Variants in LRMDA observed in about 807,000 individuals in gnomAD.
LRMDA encodes the protein leucine-rich melanocyte differentiation-associated protein.
A neutral mutation model predicts 29.8 loss-of-function variants in LRMDA; 18 were observed. The observed-to-expected ratio is 0.60, with a 90% CI of 0.42 to 0.90. The LOEUF (loss-of-function observed/expected upper bound fraction) is 0.90. LRMDA is among the 40% of genes least tolerant of loss of function. The pLI is 0.00. For synonymous variants in LRMDA, 125 were observed against 109.4 expected (o/e 1.14, Z -0.89); for missense variants, 273 against 273.9 (o/e 1.00, Z 0.02).
chr10:75,780,390 T>C (rs902331070), intron 2 of LRMDA, among the ~76,000 whole-genome samples: 5 of 152,054 alleles, frequency 3.3e-5, no homozygotes, highest in Admixed American at 2.0e-4. Context: ...GGTGAACACA[T>C]GTTCACCCTT....
At chr10:75,916,016 T>A (rs1845925680) in intron 2 of LRMDA, among the ~76,000 whole-genome samples, 1 of 152,150 alleles carries the variant, frequency 6.6e-6, no homozygotes, top group African/African-American at 2.4e-5. Context: ...GTAGGTCTTA[T>A]TGGGCCCATT....
At chr10:75,927,770 T>C (rs2208948) in intron 2 of LRMDA, among the ~76,000 whole-genome samples, 101,572 of 152,056 alleles carry the variant, frequency 0.67, 33,952 homozygotes, top group South Asian at 0.74. Context: ...CTGCCGACAA[T>C]AAAGCCTCAG....
intron 6 of LRMDA, among the ~76,000 whole-genome samples, chr10:76,523,311 G>C (rs986336417): frequency 6.6e-6 from 1 of 152,050 alleles, no homozygotes; most frequent in African/African-American, 2.4e-5. Context: ...TTCCACTGGG[G>C]TGCTTATTCC....
intron 6 of LRMDA, among the ~76,000 whole-genome samples, chr10:76,430,838 C>A (rs1842183043): frequency 1.3e-5 from 2 of 152,162 alleles, no homozygotes; most frequent in Admixed American, 1.3e-4. Flanking sequence ...TGTCCCACAA[C>A]CCCCTCCTCT....
At chr10:75,825,190 G>T (rs779918328) in intron 2 of LRMDA, among the ~76,000 whole-genome samples, 1 of 152,082 alleles carries the variant, frequency 6.6e-6, no homozygotes, top group African/African-American at 2.4e-5. Context: ...GGTAATCAGA[G>T]ACTTTGGTGT....
At chr10:76,053,710 C>A (rs1848566603) in intron 4 of LRMDA, among the ~76,000 whole-genome samples, 1 of 152,202 alleles carries the variant, frequency 6.6e-6, no homozygotes, top group Admixed American at 6.5e-5. Context: ...GACATGGCCA[C>A]TGGCTGGGTT....
At chr10:76,027,206 G>A (rs1848076712) in intron 2 of LRMDA, among the ~76,000 whole-genome samples, 1 of 152,164 alleles carries the variant, frequency 6.6e-6, no homozygotes, top group Admixed American at 6.5e-5. Context: ...CAAAGCTCCA[G>A]GCACAGGCAC....
intron 5 of LRMDA, among the ~76,000 whole-genome samples, chr10:76,219,504 C>G (rs1851790300): frequency 6.6e-6 from 1 of 152,074 alleles, no homozygotes; most frequent in South Asian, 2.1e-4. Context: ...CAACAAAGAT[C>G]AAAAGAGGCA....
intron 2 of LRMDA, among the ~76,000 whole-genome samples, chr10:75,857,326 G>T (rs1439110007): frequency 2.6e-5 from 4 of 152,190 alleles, no homozygotes; most frequent in Admixed American, 2.6e-4. Context: ...AGTTGATGCA[G>T]GCAGTTCAGT....
chr10:75,688,486 C>A lies in LRMDA; in HGVS notation c.131+249992C>A, dbSNP rs117975734. On this transcript the variant is annotated intron_variant, in intron 2 of 6. Coordinates refer to ENST00000611255, the MANE Select transcript of LRMDA (RefSeq NM_001305581.2). ...GAATTGCTGCAATCTTGTGATAAAA[C>A]TTGAATGGAAGAGAAGTTGCTTCTT... Among the ~76,000 whole-genome samples the A allele has an allele frequency of 2.6e-5, 4 of 152,270 alleles. No homozygotes were observed. In the East Asian group the frequency reaches 7.7e-4, roughly 29 times the overall value.
At chr10:76,490,508 A>G (rs530380715) in intron 6 of LRMDA, among the ~76,000 whole-genome samples, 120 of 151,874 alleles carry the variant, frequency 7.9e-4, no homozygotes, top group Non-Finnish European at 1.4e-3. Context: ...CTCTTGCTGA[A>G]TTGACCCTTT....
At chr10:76,427,041 G>A (rs1447171752) in intron 6 of LRMDA, among the ~76,000 whole-genome samples, 2 of 152,216 alleles carry the variant, frequency 1.3e-5, no homozygotes, top group African/African-American at 2.4e-5. Context: ...GTAGCCTGAT[G>A]CCTCCTGCTT....
intron 5 of LRMDA, among the ~76,000 whole-genome samples, chr10:76,063,590 G>A (rs972708096): frequency 4.6e-5 from 7 of 152,108 alleles, no homozygotes; most frequent in African/African-American, 1.7e-4. Context: ...ATGTGTGTTT[G>A]TGTGTGATAG....
chr10:75,443,645 G>A, intron 2 of LRMDA, among the ~76,000 whole-genome samples: 1 of 152,114 alleles, frequency 6.6e-6, no homozygotes, highest in East Asian at 1.9e-4. Context: ...TGTTCATCAG[G>A]GATATTGGCT....
chr10:75,806,371 T>C (rs1388852523), intron 2 of LRMDA, among the ~76,000 whole-genome samples: 1 of 152,222 alleles, frequency 6.6e-6, no homozygotes, highest in Non-Finnish European at 1.5e-5. Flanking sequence ...TCTTGTACTT[T>C]GCTTTAGTTG....
intron 2 of LRMDA, among the ~76,000 whole-genome samples, chr10:75,768,440 T>C (rs1843196940): frequency 6.6e-6 from 1 of 152,206 alleles, no homozygotes; most frequent in Non-Finnish European, 1.5e-5. Context: ...ATAACTTAGT[T>C]AAGGAAAGAA....
chr10:76,518,771 G>T (rs1452625808), intron 6 of LRMDA, among the ~76,000 whole-genome samples: 2 of 152,078 alleles, frequency 1.3e-5, no homozygotes, highest in Admixed American at 6.5e-5. Flanking sequence ...TCTTTCAATT[G>T]TGATAGCTCA....
At chr10:75,927,501 C>G (rs1346964282) in intron 2 of LRMDA, among the ~76,000 whole-genome samples, 1 of 152,176 alleles carries the variant, frequency 6.6e-6, no homozygotes, top group African/African-American at 2.4e-5. Context: ...TTGCTCTGCA[C>G]TTTTTATGGC....
chr10:76,485,029 A>G (rs1005615079), intron 6 of LRMDA, among the ~76,000 whole-genome samples: 2 of 151,668 alleles, frequency 1.3e-5, no homozygotes, highest in Non-Finnish European at 3.0e-5. Flanking sequence ...CTGTATTTAT[A>G]CTTAAAATAG....
Sources: gnomAD v4.1 joint callset for allele counts (sites outside exome capture counted in the v4.1 genomes callset) on GRCh38, gnomAD v4.1.1 for gene constraint, MANE v1.5 for transcripts, NCBI Gene and HGNC (gene_info 2026-07-23, HGNC 2026-07-21) for gene names.